Variants in RHOBTB1 observed in about 807,000 individuals in gnomAD.
RHOBTB1 encodes rho-related BTB domain-containing protein 1.
Under a neutral mutation model 71.6 loss-of-function variants are expected in RHOBTB1, and 40 were observed. The observed-to-expected ratio is 0.56, with a 90% CI of 0.43 to 0.73. The LOEUF is 0.73. RHOBTB1 is among the 30% of genes least tolerant of loss of function. The pLI is 0.00. For missense variants in RHOBTB1, 797 were observed against 894.0 expected, an observed-to-expected ratio of 0.89 and a Z score of 1.38; for synonymous variants, 319 against 334.9, an observed-to-expected ratio of 0.95 and a Z score of 0.52.
intron 2 of RHOBTB1, among the ~76,000 whole-genome samples, chr10:60,922,362 T>A (rs768358227): frequency 5.9e-4 from 90 of 152,332 alleles, no homozygotes; most frequent in Non-Finnish European, 1.2e-3. Flanking sequence ...AAGGCACTGA[T>A]GCCTTGAACC....
At chr10:60,986,432 A>ATATATATATATATAT (rs66585379) in intron 1 of RHOBTB1, among the ~76,000 whole-genome samples, 3 of 74,326 alleles carry the variant, frequency 4.0e-5, no homozygotes, top group African/African-American at 9.9e-5. Flanking sequence ...TATATATATA[A>ATATATATATATATAT]AATATATATA....
intron 9 of RHOBTB1, 54 bp from the exon 10 acceptor site, chr10:60,872,344 A>G (rs981644058): frequency 1.2e-5 from 15 of 1,296,200 alleles, no homozygotes; most frequent in Non-Finnish European, 1.5e-5. Flanking sequence ...GAGGGGCTAC[A>G]AAGAAATTGG....
intron 2 of RHOBTB1, among the ~76,000 whole-genome samples, chr10:60,972,311 A>G (rs2086184859): frequency 6.6e-6 from 1 of 152,198 alleles, no homozygotes; most frequent in South Asian, 2.1e-4. Flanking sequence ...GATAGACTGG[A>G]TAAAGAAAAT....
At chr10:60,981,456 G>C (rs1437043029) in intron 2 of RHOBTB1, among the ~76,000 whole-genome samples, 1 of 152,152 alleles carries the variant, frequency 6.6e-6, no homozygotes, top group Non-Finnish European at 1.5e-5. Context: ...AGGTCACACA[G>C]CTTGAAGGTT....
At chr10:60,986,411 A>ATATAT (rs1554860037) in intron 1 of RHOBTB1, among the ~76,000 whole-genome samples, 7 of 137,880 alleles carry the variant, frequency 5.1e-5, no homozygotes, top group East Asian at 2.1e-4. Flanking sequence ...AAAGATATAT[A>ATATAT]TATATATATA....
At chr10:60,988,807 C>A (rs2134921769) in intron 1 of RHOBTB1, among the ~76,000 whole-genome samples, 1 of 152,292 alleles carries the variant, frequency 6.6e-6, no homozygotes, top group African/African-American at 2.4e-5. Flanking sequence ...CTTCAGGGGT[C>A]TTCCTGAATC....
downstream of RHOBTB1, among the ~76,000 whole-genome samples, chr10:60,866,028 C>T (rs182375960): frequency 0.024 from 3,676 of 152,204 alleles, 137 homozygotes; most frequent in African/African-American, 0.084. Flanking sequence ...GACAGGGTTT[C>T]ACCATGTTGG....
rs536505457 is a variant in RHOBTB1 at position 60,997,120 on chromosome 10, G to A, written c.-163+4279C>T. Reference sequence around the variant, plus strand: ...ACACACACACAGCTTTTGCTACAATGAAACAAATGTCATCATACCTAGCAA... The same window carrying A: ...ACACACACACAGCTTTTGCTACAATAAAACAAATGTCATCATACCTAGCAA... On this transcript the variant is annotated intron_variant, in intron 1 of 11. Coordinates refer to the RHOBTB1 transcript ENST00000357917. 7.3e-5 allele frequency among the ~76,000 whole-genome samples: 11 copies of A among 150,308 alleles called. No homozygotes were observed. The South Asian group carries it at 1.9e-3, about 26-fold the overall frequency.
chr10:60,904,216 G>T (rs988187277), intron 4 of RHOBTB1, among the ~76,000 whole-genome samples: 1 of 151,856 alleles, frequency 6.6e-6, no homozygotes, highest in African/African-American at 2.4e-5. Flanking sequence ...CAGAGTGCTG[G>T]GATTATAGGC....
intron 2 of RHOBTB1, among the ~76,000 whole-genome samples, chr10:60,960,607 A>T (rs968861746): frequency 6.6e-6 from 1 of 152,190 alleles, no homozygotes; most frequent in Non-Finnish European, 1.5e-5. Context: ...AGTGGGGTTT[A>T]AGTTATATTC....
At chr10:60,940,028 T>C (rs1339759157) in intron 2 of RHOBTB1, among the ~76,000 whole-genome samples, 1 of 152,176 alleles carries the variant, frequency 6.6e-6, no homozygotes, top group Non-Finnish European at 1.5e-5. Context: ...GTTGATGAGG[T>C]CTTGGCCTGT....
intron 2 of RHOBTB1, among the ~76,000 whole-genome samples, chr10:60,952,918 C>T (rs1021891402): frequency 6.6e-6 from 1 of 152,118 alleles, no homozygotes; most frequent in East Asian, 1.9e-4. Flanking sequence ...TATGCCCTCA[C>T]AACCACAAAT....
At chr10:60,919,880 T>C (rs955069573) in intron 2 of RHOBTB1, among the ~76,000 whole-genome samples, 31 of 152,350 alleles carry the variant, frequency 2.0e-4, no homozygotes, top group African/African-American at 7.2e-4. Flanking sequence ...TTTTCTACCT[T>C]ATGTGCTGTT....
chr10:60,924,154 T>C (rs2083726718), intron 2 of RHOBTB1, among the ~76,000 whole-genome samples: 1 of 152,162 alleles, frequency 6.6e-6, no homozygotes, highest in Non-Finnish European at 1.5e-5. Flanking sequence ...AAACAAATTG[T>C]ACAAGAATCC....
intron 2 of RHOBTB1, among the ~76,000 whole-genome samples, chr10:60,929,040 T>C (rs1433282073): frequency 1.3e-5 from 2 of 152,038 alleles, no homozygotes; most frequent in Non-Finnish European, 2.9e-5. Context: ...AAGGGGTAAG[T>C]GCTATACACT....
chr10:60,900,909 AC>A (rs1217710691), intron 4 of RHOBTB1, among the ~76,000 whole-genome samples: 4 of 152,184 alleles, frequency 2.6e-5, no homozygotes, highest in African/African-American at 9.7e-5. Context: ...AAATCTCTTT[AC>A]CCCATGTAAT....
At chr10:60,963,653 C>CA (rs1256592632) in intron 2 of RHOBTB1, among the ~76,000 whole-genome samples, 1 of 152,060 alleles carries the variant, frequency 6.6e-6, no homozygotes, top group Non-Finnish European at 1.5e-5. Context: ...TGTGGTCCTC[C>CA]AAAAGATATC....
In RHOBTB1 at chr10:60,895,103, C is replaced by T. The variant is rs1416282495; in HGVS notation, c.297-2108G>A. Among the ~76,000 whole-genome samples, 12 of 152,166 alleles carry T rather than the reference C, an allele frequency of 7.9e-5. No homozygotes were observed. The East Asian group carries it at 2.1e-3, about 27-fold the overall frequency. ...AGTAGCACAATGCCATCACACAATA[C>T]AGGTCCTGAGGGCCCAACTTCTAAC... On this transcript the variant is annotated intron_variant, in intron 4 of 10. Coordinates refer to ENST00000337910, the MANE Select transcript of RHOBTB1 (RefSeq NM_014836.5).
At chr10:60,997,822 G>C (rs550957276) in intron 1 of RHOBTB1, among the ~76,000 whole-genome samples, 4 of 152,302 alleles carry the variant, frequency 2.6e-5, no homozygotes, top group Admixed American at 1.3e-4. Flanking sequence ...GCAACCTAAG[G>C]CTCTTTTGAA....
Sources: allele counts gnomAD v4.1 joint callset (sites outside exome capture counted in the v4.1 genomes callset), GRCh38; gene constraint gnomAD v4.1.1; transcripts MANE v1.5; gene names NCBI Gene and HGNC (gene_info 2026-07-23, HGNC 2026-07-21).